FGF9: variants seen among roughly 807,000 people sequenced by gnomAD.
FGF9 encodes the protein fibroblast growth factor 9 (glia-activating factor).
FGF9 carries 3 observed loss-of-function variants against 19.9 expected under a neutral mutation model. That is an observed-to-expected ratio of 0.15 (90% CI 0.07 to 0.39). FGF9 has a LOEUF of 0.39. FGF9 is among the 10% of genes least tolerant of loss of function. The probability of loss-of-function intolerance (pLI) is 1.00; values close to 1 mark genes in which losing one functional copy is unlikely to be tolerated. For missense variants in FGF9, 175 were observed against 256.8 expected, an observed-to-expected ratio of 0.68 and a Z score of 2.18; for synonymous variants, 107 against 106.9, an observed-to-expected ratio of 1.00 and a Z score of -0.01.
At chr13:21,690,144 A>G (rs1043904735) in intron 2 of FGF9, among the ~76,000 whole-genome samples, 1 of 152,138 alleles carries the variant, frequency 6.6e-6, no homozygotes, top group African/African-American at 2.4e-5. Flanking sequence ...ATAGGGCTCA[A>G]ATTGGAAGCT....
intron 2 of FGF9, among the ~76,000 whole-genome samples, chr13:21,698,959 A>G (rs1449072667): frequency 1.3e-5 from 2 of 152,226 alleles, no homozygotes; most frequent in African/African-American, 4.8e-5. Flanking sequence ...AGCTATTTTT[A>G]GCCAGGAATA....
chr13:21,684,168 C>T (rs1045181966), intron 2 of FGF9, among the ~76,000 whole-genome samples: 4 of 152,226 alleles, frequency 2.6e-5, no homozygotes, highest in Non-Finnish European at 5.9e-5. Context: ...CTTCATTACA[C>T]CCCCAGTTCT....
intron 2 of FGF9, chr13:21,681,365 C>T: frequency 2.3e-6 from 1 of 427,226 alleles, no homozygotes; most frequent in East Asian, 3.9e-5. Context: ...TATTTATATG[C>T]CAAACCATCT....
At position 21,688,505 on chromosome 13, in the gene FGF9, A is replaced by G. The variant is rs151093014; in HGVS notation, c.381+7360A>G. ...AGTCCATACATCGTCCTGGTTTTAGAGACGAGGAGGTGAGATTTTAGTGGC... is the reference window on the plus strand; with the variant it reads ...AGTCCATACATCGTCCTGGTTTTAGGGACGAGGAGGTGAGATTTTAGTGGC... On this transcript the variant is annotated intron_variant, in intron 2 of 2. Transcript: ENST00000382353. Among the ~76,000 whole-genome samples, 617 of 152,302 alleles carry G rather than the reference A, an allele frequency of 4.1e-3. 2 individuals are homozygous for G. Among genetic ancestry groups the G allele is most frequent in the Non-Finnish European group, 6.6e-3 (452 of 68,022 alleles).
intron 2 of FGF9, among the ~76,000 whole-genome samples, chr13:21,697,690 A>G (rs1199925376): frequency 1.3e-5 from 2 of 152,028 alleles, no homozygotes; most frequent in African/African-American, 4.8e-5. Flanking sequence ...AGATAGTGAT[A>G]CCTCTACCAC....
At chr13:21,677,280 G>A (rs1012705741) in intron 1 of FGF9, among the ~76,000 whole-genome samples, 1 of 152,136 alleles carries the variant, frequency 6.6e-6, no homozygotes, top group African/African-American at 2.4e-5. Context: ...CTAATTTTAG[G>A]CACAAACTCA....
In FGF9 at chr13:21,701,231, A is replaced by G. The variant is rs187308315; in HGVS notation, c.423A>G (p.Glu141=). The change falls in exon 3 of 3, where the codon GAA becomes GAG. Residue 141 remains glutamate, a synonymous_variant. Coordinates refer to ENST00000382353, the MANE Select transcript of FGF9 (RefSeq NM_002010.3). The stretch of plus-strand genomic sequence containing the variant: ...AGTGTGTATTCAGAGAACAGTTCGA[A>G]GAAAACTGGTATAATACGTACTCAT... ...TQECVFREQF[E]ENWYNTYSSN... The G allele has an allele frequency of 6.2e-6, 10 of 1,613,946 alleles. No individual in the cohort carries two copies. The Admixed American group carries it at 1.7e-4, about 27-fold the overall frequency.
chr13:21,683,135 C>CT (rs1360120624), intron 2 of FGF9, among the ~76,000 whole-genome samples: 1 of 152,204 alleles, frequency 6.6e-6, no homozygotes, highest in East Asian at 1.9e-4. Context: ...GCTGACCAGT[C>CT]TTTCAGATGA....
At chr13:21,700,356 C>T (rs187868897) in intron 2 of FGF9, among the ~76,000 whole-genome samples, 4 of 152,144 alleles carry the variant, frequency 2.6e-5, no homozygotes, top group East Asian at 3.9e-4. Flanking sequence ...AAAATGTAGA[C>T]TGAGAGTTAG....
Position 21,671,625 on chromosome 13 carries a change from C to T in FGF9, c.-288C>T, listed in dbSNP as rs1871768578. On this transcript the variant is annotated 5_prime_UTR_variant, in exon 1 of 3. Coordinates refer to ENST00000382353, the MANE Select transcript of FGF9 (RefSeq NM_002010.3). ...TGAAGACCTTCCTGCCTGCTAAGAG[C>T]TGGGGATCTATCTATAGAGATACAT... The T allele has an allele frequency of 1.8e-6, 1 of 557,258 alleles. No homozygotes were observed. The highest frequency in any genetic ancestry group is 3.3e-5 in the Admixed American group (1 of 30,134). The allele number at this position is 557,258 out of a possible 1,614,324, so 34.5% of individuals were successfully genotyped here.
Position 21,671,136 on chromosome 13 carries a change from G to T in FGF9, c.-777G>T, listed in dbSNP as rs567350418. 3.5e-4 allele frequency among the ~76,000 whole-genome samples: 53 copies of T among 152,164 alleles called. No individual in the cohort carries two copies. Among genetic ancestry groups the T allele is most frequent in the Non-Finnish European group, 6.8e-4 (46 of 68,004 alleles). ...GCTCCGCCCGGCTACAACGCTCCGC[G>T]AGCCGGCGCGGCAACACCTGTTCGC... On this transcript the variant is annotated 5_prime_UTR_variant, in exon 1 of 3. Coordinates refer to ENST00000382353, the MANE Select transcript of FGF9 (RefSeq NM_002010.3).
chr13:21,687,904 A>G lies in FGF9; in HGVS notation c.381+6759A>G, dbSNP rs552855233. Among the ~76,000 whole-genome samples the G allele has an allele frequency of 1.1e-3, 173 of 152,272 alleles. 1 individual carries two copies. The highest frequency in any genetic ancestry group is 2.7e-3 in the South Asian group (13 of 4,816). On this transcript the variant is annotated intron_variant, in intron 2 of 2. Coordinates refer to ENST00000382353, the MANE Select transcript of FGF9 (RefSeq NM_002010.3). ...CTTAAAACAATTCTAGTACTTTTTC[A>G]TTGACCTGGAAAGGCAAAGTAAAGA... is the stretch of plus-strand genomic sequence containing the variant.
chr13:21,686,986 C>T (rs1021169764), intron 2 of FGF9, among the ~76,000 whole-genome samples: 43 of 152,138 alleles, frequency 2.8e-4, no homozygotes, highest in African/African-American at 9.7e-4. Flanking sequence ...ACTTTGCAGC[C>T]GTTCCTAGCC....
chr13:21,700,202 T>C (rs1872510062), intron 2 of FGF9, among the ~76,000 whole-genome samples: 2 of 152,128 alleles, frequency 1.3e-5, no homozygotes, highest in South Asian at 4.1e-4. Flanking sequence ...TCAATGCACG[T>C]TTCTTCTTGG....
chr13:21,675,531 T>A (rs1049643926), intron 1 of FGF9, among the ~76,000 whole-genome samples: 7 of 151,878 alleles, frequency 4.6e-5, no homozygotes, highest in Non-Finnish European at 7.4e-5. Context: ...GCCCCGGCTC[T>A]GGCACACCTG....
chr13:21,685,939 C>T (rs897044259), intron 2 of FGF9, among the ~76,000 whole-genome samples: 1 of 152,134 alleles, frequency 6.6e-6, no homozygotes, highest in Non-Finnish European at 1.5e-5. Flanking sequence ...CACACTTGGC[C>T]AGGGGATTAG....
chr13:21,686,256 T>G (rs554585555), intron 2 of FGF9, among the ~76,000 whole-genome samples: 5 of 152,198 alleles, frequency 3.3e-5, no homozygotes, highest in African/African-American at 1.2e-4. Context: ...CTTGAATTCC[T>G]GACATCAAGT....
chr13:21,698,030 G>A (rs551432178), intron 2 of FGF9, among the ~76,000 whole-genome samples: 5 of 152,168 alleles, frequency 3.3e-5, no homozygotes, highest in South Asian at 2.1e-4. Flanking sequence ...GGATGGTCTC[G>A]ATCTCCTGAC....
intron 1 of FGF9, among the ~76,000 whole-genome samples, chr13:21,678,382 G>A (rs1871964051): frequency 6.6e-6 from 1 of 152,076 alleles, no homozygotes; most frequent in African/African-American, 2.4e-5. Flanking sequence ...GTTGCTTGGG[G>A]GCTAATTATT....
Sources: gnomAD v4.1 joint callset for allele counts (sites outside exome capture counted in the v4.1 genomes callset) on GRCh38, gnomAD v4.1.1 for gene constraint, MANE v1.5 for transcripts, NCBI Gene and HGNC (gene_info 2026-07-23, HGNC 2026-07-21) for gene names.